MAPKAP1: variants seen among roughly 807,000 people sequenced by gnomAD.
MAPKAP1 encodes the protein MAPK associated protein 1.
Under a neutral mutation model 65.7 loss-of-function variants are expected in MAPKAP1, and 20 were observed. The observed-to-expected ratio is 0.30, with a 90% CI of 0.21 to 0.44. The LOEUF is 0.44. Among genes scored for constraint, MAPKAP1 ranks in the 20% least tolerant of loss-of-function variants. The pLI, the probability that MAPKAP1 is intolerant of heterozygous loss-of-function variation, is 1.00. For synonymous variants in MAPKAP1, 222 were observed against 244.3 expected (o/e 0.91, Z 0.85); for missense variants, 423 against 648.0 (o/e 0.65, Z 3.77).
intron 5 of MAPKAP1, chr9:125,567,793 G>C (rs1387159736): frequency 6.6e-6 from 1 of 152,120 alleles, no homozygotes; most frequent in Non-Finnish European, 1.5e-5. Flanking sequence ...GCTACCTTTG[G>C]GTAAATGTTG....
At chr9:125,454,612 G>A (rs1202641452) in intron 10 of MAPKAP1, among the ~76,000 whole-genome samples, 7 of 152,136 alleles carry the variant, frequency 4.6e-5, no homozygotes, top group Admixed American at 3.9e-4. Context: ...AAGGCTCTAT[G>A]TTGTGCCACA....
chr9:125,591,998 C>T (rs1375182820), intron 4 of MAPKAP1, among the ~76,000 whole-genome samples: 9 of 152,160 alleles, frequency 5.9e-5, no homozygotes, highest in South Asian at 2.1e-4. Flanking sequence ...CACAGGGAAG[C>T]GGGCAACACA....
At chr9:125,457,549 G>A (rs925838777) in intron 10 of MAPKAP1, among the ~76,000 whole-genome samples, 4 of 152,232 alleles carry the variant, frequency 2.6e-5, no homozygotes, top group African/African-American at 9.6e-5. Flanking sequence ...TTAAGCGAAT[G>A]CTGGACACTA....
intron 3 of MAPKAP1, among the ~76,000 whole-genome samples, chr9:125,658,184 A>T (rs1224648504): frequency 6.6e-6 from 1 of 152,204 alleles, no homozygotes; most frequent in East Asian, 1.9e-4. Flanking sequence ...AAAATCTCAA[A>T]GATCCCTCCT....
At position 125,445,912 on chromosome 9, in the gene MAPKAP1, G is replaced by C. The variant is rs543799282; in HGVS notation, c.1346-1314C>G. Reference sequence around the variant, plus strand: ...TATTCAGTAAACCTTCCTAGACCAAGGAGCAGCAGGTGACATCTCTAATAT... The same window carrying C: ...TATTCAGTAAACCTTCCTAGACCAACGAGCAGCAGGTGACATCTCTAATAT... On this transcript the variant is annotated intron_variant, in intron 10 of 11. Transcript: ENST00000265960. 8.7e-4 allele frequency among the ~76,000 whole-genome samples: 133 copies of C among 152,326 alleles called. 2 individuals carry two copies. Among genetic ancestry groups the C allele is most frequent in the Middle Eastern group, 6.8e-3 (2 of 294 alleles).
intron 4 of MAPKAP1, chr9:125,652,215 GA>G: frequency 7.6e-7 from 1 of 1,310,544 alleles, no homozygotes; most frequent in Non-Finnish European, 1.0e-6. Flanking sequence ...AATGATTGTA[GA>G]AAACATTTGT....
chr9:125,608,311 T>C (rs976820280), intron 4 of MAPKAP1, among the ~76,000 whole-genome samples: 5 of 152,246 alleles, frequency 3.3e-5, no homozygotes, highest in African/African-American at 1.2e-4. Flanking sequence ...TATTTATTTA[T>C]GTTCACATCT....
At chr9:125,535,843 AGTGTGT>A (rs59246270) in intron 7 of MAPKAP1, among the ~76,000 whole-genome samples, 4 of 151,950 alleles carry the variant, frequency 2.6e-5, no homozygotes, top group African/African-American at 9.7e-5. Context: ...CTGACTTCTA[AGTGTGT>A]GTGTGTGTCT....
intron 7 of MAPKAP1, among the ~76,000 whole-genome samples, chr9:125,512,587 TTTTG>T (rs2133097421): frequency 6.6e-6 from 1 of 152,228 alleles, no homozygotes; most frequent in East Asian, 1.9e-4. Flanking sequence ...CATATTTTTT[TTTTG>T]TTTCTTTTGA....
Position 125,688,982 on chromosome 9 carries a change from G to A in MAPKAP1, c.-69-16339C>T, listed in dbSNP as rs529289719. ...TTCTTACTCCACTCCTTACACACAA[G>A]TCTAGGTATGGGTATACAGAGACTT... On this transcript the variant is annotated intron_variant, in intron 1 of 11. Coordinates refer to ENST00000265960, the MANE Select transcript of MAPKAP1 (RefSeq NM_001006617.3). Among the ~76,000 whole-genome samples, 18 of 152,216 alleles carry A rather than the reference G, an allele frequency of 1.2e-4. No homozygotes were observed. The South Asian group carries it at 1.2e-3, about 11-fold the overall frequency.
intron 4 of MAPKAP1, among the ~76,000 whole-genome samples, chr9:125,630,378 A>C (rs971271647): frequency 6.6e-6 from 1 of 151,848 alleles, no homozygotes; most frequent in African/African-American, 2.4e-5. Flanking sequence ...GTGATTCCCC[A>C]GTCTCAGCCG....
chr9:125,628,199 G>C (rs925889315), intron 4 of MAPKAP1, among the ~76,000 whole-genome samples: 1 of 152,098 alleles, frequency 6.6e-6, no homozygotes, highest in Non-Finnish European at 1.5e-5. Context: ...GAATCTTAAA[G>C]GATAAACAGC....
chr9:125,690,557 T>C (rs1246484963), intron 1 of MAPKAP1, among the ~76,000 whole-genome samples: 1 of 152,212 alleles, frequency 6.6e-6, no homozygotes, highest in Non-Finnish European at 1.5e-5. Context: ...GCCTACCTCA[T>C]AGGATTGTTG....
intron 7 of MAPKAP1, among the ~76,000 whole-genome samples, chr9:125,538,053 C>A (rs1012026946): frequency 1.3e-5 from 2 of 152,116 alleles, no homozygotes; most frequent in Non-Finnish European, 2.9e-5. Flanking sequence ...TCTTTTATTT[C>A]TTTGTGTTCA....
chr9:125,547,553 C>T (rs1327996783), intron 6 of MAPKAP1, among the ~76,000 whole-genome samples: 7 of 152,166 alleles, frequency 4.6e-5, no homozygotes, highest in South Asian at 2.1e-4. Context: ...AGGGAGTCGA[C>T]GTTAGTTCTC....
intron 6 of MAPKAP1, among the ~76,000 whole-genome samples, chr9:125,543,557 T>G (rs1200834026): frequency 2.6e-5 from 4 of 152,120 alleles, no homozygotes; most frequent in African/African-American, 4.8e-5. Flanking sequence ...ATTACAGGCA[T>G]GAGCCACCGC....
chr9:125,698,307 ATATATAT>A (rs1564622479), intron 1 of MAPKAP1, among the ~76,000 whole-genome samples: 5,094 of 53,200 alleles, frequency 0.096, 324 homozygotes, highest in East Asian at 0.15. Context: ...ATATATATAT[ATATATAT>A]ATATATATAT....
At chr9:125,545,148 G>C (rs1008240198) in intron 6 of MAPKAP1, among the ~76,000 whole-genome samples, 3 of 152,040 alleles carry the variant, frequency 2.0e-5, no homozygotes, top group Non-Finnish European at 4.4e-5. Flanking sequence ...CCTGAGTCCC[G>C]GCCATTCTTT....
chr9:125,657,507 C>T, intron 4 of MAPKAP1, 144 bp downstream of exon 4: 1 of 749,646 alleles, frequency 1.3e-6, no homozygotes, highest in Non-Finnish European at 2.1e-6. Flanking sequence ...TACATCAAGT[C>T]TTAGAAAATG....
Sources: gnomAD v4.1 joint callset for allele counts (sites outside exome capture counted in the v4.1 genomes callset) on GRCh38, gnomAD v4.1.1 for gene constraint, MANE v1.5 for transcripts, NCBI Gene and HGNC (gene_info 2026-07-23, HGNC 2026-07-21) for gene names.